Variants in ABHD6 observed in about 807,000 individuals in gnomAD.
The protein encoded by ABHD6 is abhydrolase domain containing 6, acylglycerol lipase.
ABHD6 carries 33 observed loss-of-function variants against 38.8 expected under a neutral mutation model. The ratio of observed to expected loss-of-function variants is 0.85; its 90% CI spans 0.64 to 1.14. The LOEUF (loss-of-function observed/expected upper bound fraction) is 1.14, where lower values mean the gene tolerates loss of function less well. ABHD6 is among the 50% of genes most tolerant of loss of function. The pLI, the probability that ABHD6 is intolerant of heterozygous loss-of-function variation, is 0.00. For synonymous variants in ABHD6, 147 were observed against 161.6 expected, an observed-to-expected ratio of 0.91 and a Z score of 0.69; for missense variants, 380 against 422.6, an observed-to-expected ratio of 0.90 and a Z score of 0.88.
intron 7 of ABHD6, among the ~76,000 whole-genome samples, chr3:58,281,561 G>A (rs1483252555): frequency 6.6e-6 from 1 of 152,194 alleles, no homozygotes; most frequent in Non-Finnish European, 1.5e-5. Flanking sequence ...CAGGTGAGGC[G>A]ATGCCTGCCC....
chr3:58,248,663 A>G (rs1015374608), intron 1 of ABHD6, among the ~76,000 whole-genome samples: 3 of 152,254 alleles, frequency 2.0e-5, no homozygotes, highest in East Asian at 1.9e-4. Flanking sequence ...GCGGCATTGC[A>G]CTCCAGCCTG....
chr3:58,285,384 A>T lies in ABHD6; in HGVS notation c.768A>T (p.Arg256Ser), dbSNP rs1303359362. The change falls in exon 9 of 10, where the codon AGA becomes AGT. Residue 256 changes from arginine (R) to serine (S), a missense_variant. Transcript: ENST00000478253. The surrounding 1 kb of genome is among the most constrained non-coding windows in gnomAD (Gnocchi z 4.9). ...LFLEIVSEKSRYSLHQNMDKI... is the reference protein window; with the variant it reads ...LFLEIVSEKSSYSLHQNMDKI... ...TGGAAATCGTCAGTGAGAAGTCCAGATACTCTCTCCATCAGAACATGGACA... is the reference window on the plus strand; with the variant it reads ...TGGAAATCGTCAGTGAGAAGTCCAGTTACTCTCTCCATCAGAACATGGACA... The T allele has an allele frequency of 6.2e-7, 1 of 1,614,130 alleles. No homozygotes were observed. Among genetic ancestry groups the T allele is most frequent in the Admixed American group, 1.7e-5 (1 of 60,022 alleles).
Position 58,293,869 on chromosome 3 carries a change from G to T in ABHD6, c.*104G>T, listed in dbSNP as rs1039751774. 7.4e-7 allele frequency: 1 copy of T among 1,351,750 alleles called. No homozygotes were observed. The highest frequency in any genetic ancestry group is 2.2e-5 in the Admixed American group (1 of 44,942). The allele number at this position is 1,351,750 out of a possible 1,614,324, so 83.7% of individuals were successfully genotyped here. A position where few individuals can be genotyped will look rare whatever the true frequency, so the allele number is the denominator to read the frequency against. ...ATCCTGCCCCAAATGCGGTCGGAGC[G>T]CCAGTGACCCTGAGGAAGCCCGTCC... On this transcript the variant is annotated 3_prime_UTR_variant, in exon 10 of 10. Coordinates refer to ENST00000478253, the MANE Select transcript of ABHD6 (RefSeq NM_001320126.2). This position sits in a 1 kb window ranked among gnomAD's most constrained non-coding sequence, Gnocchi z 4.4.
In ABHD6 at chr3:58,274,831, C is replaced by T. The variant is rs765126906; in HGVS notation, c.681+16C>T. The T allele has an allele frequency of 4.3e-6, 7 of 1,611,486 alleles. No homozygotes were observed. Among genetic ancestry groups the T allele is most frequent in the Non-Finnish European group, 5.9e-6 (7 of 1,178,458 alleles). ...GCCCCAGCAGGTAACGTGGTTGCAGCAGCGACACAACTACCCTCCCCAGAG... is the reference window on the plus strand; with the variant it reads ...GCCCCAGCAGGTAACGTGGTTGCAGTAGCGACACAACTACCCTCCCCAGAG... On this transcript the variant is annotated intron_variant, in intron 7 of 9. Coordinates refer to ENST00000478253, the MANE Select transcript of ABHD6 (RefSeq NM_001320126.2).
intron 2 of ABHD6, among the ~76,000 whole-genome samples, 181 bp downstream of exon 2, chr3:58,250,123 G>A (rs1245395388): frequency 1.3e-5 from 2 of 152,128 alleles, no homozygotes; most frequent in Non-Finnish European, 2.9e-5. Flanking sequence ...AAGCTCTGAC[G>A]CACACCCTAA....
intron 7 of ABHD6, 99 bp from the exon 8 acceptor site, chr3:58,284,986 A>C (rs2107472683): frequency 8.9e-7 from 1 of 1,124,000 alleles, no homozygotes; most frequent in Admixed American, 1.7e-5. Flanking sequence ...CAGTGCAATA[A>C]ATTGCTGGAC....
rs2097434055 is a variant in ABHD6, at chr3:58,257,257, G to A, written c.119+552G>A. Among the ~76,000 whole-genome samples, 1 of 152,042 alleles carries A rather than the reference G, an allele frequency of 6.6e-6. No individual in the cohort carries two copies. Among genetic ancestry groups the A allele is most frequent in the South Asian group, 2.1e-4 (1 of 4,812 alleles). Reference sequence around the variant, plus strand: ...CTCCACCCACATTCCCAAAGTCAGTGATTCTGTCTTCAAGCAAGAATTGTA... The same window carrying A: ...CTCCACCCACATTCCCAAAGTCAGTAATTCTGTCTTCAAGCAAGAATTGTA... On this transcript the variant is annotated intron_variant, in intron 3 of 9. Transcript: ENST00000478253. The surrounding 1 kb of genome is among the most constrained non-coding windows in gnomAD (Gnocchi z 4.8).
At chr3:58,281,261 C>T (rs1439377497) in intron 7 of ABHD6, among the ~76,000 whole-genome samples, 1 of 152,238 alleles carries the variant, frequency 6.6e-6, no homozygotes, top group South Asian at 2.1e-4. Context: ...CGAGTTCGAG[C>T]TTCCAGGCCA....
intron 4 of ABHD6, among the ~76,000 whole-genome samples, chr3:58,268,649 A>G (rs1158511907): frequency 6.6e-6 from 1 of 152,060 alleles, no homozygotes; most frequent in Non-Finnish European, 1.5e-5. Flanking sequence ...TCCAAATTCC[A>G]CTATGAGGAC....
rs9842759 is a variant in ABHD6 at position 58,259,021 on chromosome 3, C to T, written c.119+2316C>T. Among the ~76,000 whole-genome samples the T allele has an allele frequency of 0.14, 20,860 of 152,160 alleles. 2,080 individuals carry two copies. The highest frequency in any genetic ancestry group is 0.27 in the African/African-American group (11,355 of 41,470). On this transcript the variant is annotated intron_variant, in intron 3 of 9. Coordinates refer to ENST00000478253, the MANE Select transcript of ABHD6 (RefSeq NM_001320126.2). The surrounding 1 kb of genome is among the most constrained non-coding windows in gnomAD (Gnocchi z 4.7). ...CCCTGACATGGAGAAGGCAGAGTTGCGTGCCCCTTCTCATGGCCTCGTCAA... is the reference window on the plus strand; with the variant it reads ...CCCTGACATGGAGAAGGCAGAGTTGTGTGCCCCTTCTCATGGCCTCGTCAA...
chr3:58,284,405 G>A (rs75563910), intron 7 of ABHD6, among the ~76,000 whole-genome samples: 2,044 of 150,460 alleles, frequency 0.014, 56 homozygotes, highest in African/African-American at 0.047. Context: ...CTTGTTCTGC[G>A]TTTGGATATT....
chr3:58,267,042 G>A lies in ABHD6; in HGVS notation c.120-147G>A. 2.5e-6 allele frequency: 2 copies of A among 812,964 alleles called. No homozygotes were observed. The highest frequency in any genetic ancestry group is 5.1e-5 in the East Asian group (2 of 39,500). 50.4% of individuals were successfully genotyped at this position (812,964 alleles called of 1,614,324 possible). On this transcript the variant is annotated intron_variant, in intron 3 of 9. Coordinates refer to ENST00000478253, the MANE Select transcript of ABHD6 (RefSeq NM_001320126.2). The surrounding 1 kb of genome is among the most constrained non-coding windows in gnomAD (Gnocchi z 4.3). Reference sequence around the variant, plus strand: ...GTTCCTTGAGGGTAAAGCTCAGGAGGACTCTAGAGACTGATGGAGGACAAG... The same window carrying A: ...GTTCCTTGAGGGTAAAGCTCAGGAGAACTCTAGAGACTGATGGAGGACAAG...
At chr3:58,274,189 C>A (rs1191953332) in intron 6 of ABHD6, among the ~76,000 whole-genome samples, 1 of 152,166 alleles carries the variant, frequency 6.6e-6, no homozygotes, top group African/African-American at 2.4e-5. Flanking sequence ...TGGGTCCAGG[C>A]CAAGGGAAGG....
At chr3:58,242,274 A>T (rs1403993912) in intron 1 of ABHD6, among the ~76,000 whole-genome samples, 1 of 152,194 alleles carries the variant, frequency 6.6e-6, no homozygotes, top group East Asian at 1.9e-4. Flanking sequence ...GGCCTTCAAC[A>T]TCATGCTGAG....
chr3:58,271,993 T>C (rs994924438), intron 6 of ABHD6, among the ~76,000 whole-genome samples: 1 of 152,056 alleles, frequency 6.6e-6, no homozygotes, highest in African/African-American at 2.4e-5. Flanking sequence ...TTGAATCCTG[T>C]TGGCTAGGAT....
intron 7 of ABHD6, among the ~76,000 whole-genome samples, 178 bp from the exon 8 acceptor site, chr3:58,284,907 A>C (rs1055222235): frequency 6.6e-6 from 1 of 152,158 alleles, no homozygotes; most frequent in Non-Finnish European, 1.5e-5. Flanking sequence ...GCTTCTTAGA[A>C]GCCTAACTCC....
chr3:58,274,719 C>T lies in ABHD6; in HGVS notation c.585C>T (p.Ala195=), dbSNP rs766393112. The change falls in exon 7 of 10, where the codon GCC becomes GCT. Residue 195 remains alanine, a synonymous_variant. Coordinates refer to ENST00000478253, the MANE Select transcript of ABHD6 (RefSeq NM_001320126.2). ...VQRLKELQGS[A]AVEKIPLIPS... ...GGCTCAAAGAACTGCAGGGCTCTGC[C>T]GCCGTGGAGAAGATTCCCTTGATCC... The T allele has an allele frequency of 4.3e-6, 7 of 1,614,096 alleles. No individual in the cohort carries two copies. The highest frequency in any genetic ancestry group is 1.6e-4 in the Middle Eastern group (1 of 6,084).
intron 7 of ABHD6, among the ~76,000 whole-genome samples, chr3:58,278,702 A>G (rs1326475795): frequency 2.6e-5 from 4 of 152,190 alleles, no homozygotes; most frequent in Admixed American, 6.5e-5. Context: ...TAGGGTGTCA[A>G]TTTTAGATCT....
intron 1 of ABHD6, among the ~76,000 whole-genome samples, chr3:58,243,778 A>T (rs1252817211): frequency 6.6e-6 from 1 of 151,924 alleles, no homozygotes; most frequent in Non-Finnish European, 1.5e-5. Context: ...CTTGTGCCTC[A>T]GCCTCCTTTG....
Sources: gnomAD v4.1 joint callset for allele counts (sites outside exome capture counted in the v4.1 genomes callset) on GRCh38, gnomAD v4.1.1 for gene constraint, Gnocchi (gnomAD v3.1) non-coding constraint, MANE v1.5 for transcripts, NCBI Gene and HGNC (gene_info 2026-07-23, HGNC 2026-07-21) for gene names.